OLFM3: variants seen among roughly 807,000 people sequenced by gnomAD.
OLFM3 encodes the protein noelin-3.
In OLFM3, 20 loss-of-function variants were observed where a neutral mutation model predicts 48.6. That is an observed-to-expected ratio of 0.41 (90% CI 0.29 to 0.60). The LOEUF (loss-of-function observed/expected upper bound fraction) is 0.60, where lower values mean the gene tolerates loss of function less well. OLFM3 is among the 20% of genes least tolerant of loss of function. The pLI is 0.28. For synonymous variants in OLFM3, 222 were observed against 198.1 expected, an observed-to-expected ratio of 1.12 and a Z score of -1.01; for missense variants, 437 against 544.3, an observed-to-expected ratio of 0.80 and a Z score of 1.96.
intron 1 of OLFM3, among the ~76,000 whole-genome samples, chr1:101,979,176 G>A (rs1403244288): frequency 1.3e-5 from 2 of 152,124 alleles, no homozygotes; most frequent in African/African-American, 4.8e-5. Context: ...GGAATTTTCA[G>A]TGTGGAGTTT....
At chr1:101,944,591 A>G (rs1182623933) in intron 1 of OLFM3, among the ~76,000 whole-genome samples, 1 of 152,104 alleles carries the variant, frequency 6.6e-6, no homozygotes, top group Non-Finnish European at 1.5e-5. Context: ...CATTAATAGT[A>G]CCTGGACGCC....
chr1:101,819,216 A>G (rs770614681), intron 4 of OLFM3, among the ~76,000 whole-genome samples: 2 of 152,056 alleles, frequency 1.3e-5, no homozygotes, highest in Non-Finnish European at 2.9e-5. Flanking sequence ...AGGTAAAGAA[A>G]GCATGCGCAA....
At chr1:101,992,542 C>T (rs1366424478) in intron 1 of OLFM3, among the ~76,000 whole-genome samples, 2 of 151,716 alleles carry the variant, frequency 1.3e-5, no homozygotes, top group Non-Finnish European at 2.9e-5. Context: ...AAGAGGATGT[C>T]TCTAGCGCAC....
intron 2 of OLFM3, among the ~76,000 whole-genome samples, chr1:101,834,956 G>A (rs1324377456): frequency 2.6e-5 from 4 of 152,046 alleles, no homozygotes; most frequent in Non-Finnish European, 5.9e-5. Context: ...CCTGTAAAGG[G>A]AATTATCCAC....
intron 1 of OLFM3, among the ~76,000 whole-genome samples, chr1:101,955,267 A>G (rs1660253783): frequency 6.6e-6 from 1 of 152,000 alleles, no homozygotes; most frequent in Non-Finnish European, 1.5e-5. Flanking sequence ...ATTGGGAGAC[A>G]GACATTAATC....
chr1:101,883,421 T>C (rs1237234893), intron 1 of OLFM3, among the ~76,000 whole-genome samples: 1 of 151,462 alleles, frequency 6.6e-6, no homozygotes, highest in African/African-American at 2.4e-5. Context: ...TAAAATAATA[T>C]AGTCATAAAA....
At chr1:101,973,184 T>G (rs1326072082) in intron 1 of OLFM3, among the ~76,000 whole-genome samples, 1 of 152,220 alleles carries the variant, frequency 6.6e-6, no homozygotes, top group East Asian at 1.9e-4. Flanking sequence ...CCCCAAGGCA[T>G]GCCGTCTGCA....
chr1:101,871,663 A>G (rs902376820), intron 1 of OLFM3, among the ~76,000 whole-genome samples: 1 of 152,076 alleles, frequency 6.6e-6, no homozygotes, highest in Non-Finnish European at 1.5e-5. Flanking sequence ...TCGAAGCCAA[A>G]CCAAACAAAT....
intron 1 of OLFM3, among the ~76,000 whole-genome samples, chr1:101,930,986 T>C (rs1217212862): frequency 6.6e-6 from 1 of 152,212 alleles, no homozygotes; most frequent in African/African-American, 2.4e-5. Context: ...AATTGATATT[T>C]TGCCTAGCAA....
intron 4 of OLFM3, chr1:101,812,483 A>C (rs1442734357): frequency 8.1e-6 from 8 of 985,408 alleles, no homozygotes; most frequent in South Asian, 4.7e-5. Flanking sequence ...AAATGTCTGC[A>C]TATTTCAGAT....
At chr1:101,831,606 G>A (rs1250571190) in intron 2 of OLFM3, among the ~76,000 whole-genome samples, 1 of 152,068 alleles carries the variant, frequency 6.6e-6, no homozygotes, top group Non-Finnish European at 1.5e-5. Flanking sequence ...TAATAACAGG[G>A]GATGTGTTAA....
intron 1 of OLFM3, among the ~76,000 whole-genome samples, chr1:101,932,257 T>C (rs1485626488): frequency 6.6e-6 from 1 of 152,184 alleles, no homozygotes; most frequent in Non-Finnish European, 1.5e-5. Flanking sequence ...GATATTCTAA[T>C]TCAGTAAGAT....
Position 101,836,966 on chromosome 1 carries a change from C to T in OLFM3, c.129G>A (p.Gly43=), listed in dbSNP as rs779631393. The T allele has an allele frequency of 4.6e-5, 75 of 1,613,966 alleles. No individual in the cohort carries two copies. The highest frequency in any genetic ancestry group is 5.8e-5 in the Non-Finnish European group (68 of 1,180,000). The change falls in exon 2 of 6, where the codon GGG becomes GGA. Residue 43 remains glycine (G), a synonymous_variant. Transcript: ENST00000370103. ...GAGCAACAACTGTGCAAATGCACCG[C>T]CCATCAGGATCCTGAGCTGAGCTGT... ...QVYSSAQDPD[G]RCICTVVAPE...
intron 1 of OLFM3, among the ~76,000 whole-genome samples, chr1:101,941,926 C>A (rs750319059): frequency 6.6e-6 from 1 of 152,158 alleles, no homozygotes; most frequent in Non-Finnish European, 1.5e-5. Context: ...TTGTAATCTA[C>A]AAACCTCATT....
chr1:101,818,333 T>C (rs941793834), intron 4 of OLFM3, among the ~76,000 whole-genome samples: 1 of 152,060 alleles, frequency 6.6e-6, no homozygotes, highest in Non-Finnish European at 1.5e-5. Context: ...GATAAATAAA[T>C]ATATGATAAA....
At chr1:101,838,154 G>A (rs142651139) in intron 1 of OLFM3, among the ~76,000 whole-genome samples, 188 of 152,138 alleles carry the variant, frequency 1.2e-3, no homozygotes, top group Middle Eastern at 3.4e-3. Flanking sequence ...TGCTTCTCAC[G>A]TTCAAGCGAT....
At chr1:101,830,582 T>C (rs1422068316) in intron 3 of OLFM3, 90 bp downstream of exon 3, 2 of 1,369,310 alleles carry the variant, frequency 1.5e-6, no homozygotes, top group Non-Finnish European at 2.1e-6. Flanking sequence ...TATGGGCCAA[T>C]GCACATTCAT....
chr1:101,877,654 T>G (rs1238838819), intron 1 of OLFM3, among the ~76,000 whole-genome samples: 4 of 151,918 alleles, frequency 2.6e-5, no homozygotes, highest in African/African-American at 9.7e-5. Context: ...TGTTTTGAGT[T>G]ACTTTCATTA....
chr1:101,945,023 T>C (rs1659912989), intron 1 of OLFM3, among the ~76,000 whole-genome samples: 1 of 152,120 alleles, frequency 6.6e-6, no homozygotes, highest in African/African-American at 2.4e-5. Context: ...ATACATAAAA[T>C]TATAAAGATT....
Sources: allele counts gnomAD v4.1 joint callset (sites outside exome capture counted in the v4.1 genomes callset), GRCh38; gene constraint gnomAD v4.1.1; transcripts MANE v1.5; gene names NCBI Gene and HGNC (gene_info 2026-07-23, HGNC 2026-07-21).